Variants in LARGE1 observed in about 807,000 individuals in gnomAD.
LARGE1 encodes LARGE xylosyl- and glucuronyltransferase 1.
A neutral mutation model predicts 87.6 loss-of-function variants in LARGE1; 43 were observed. The ratio of observed to expected loss-of-function variants is 0.49; its 90% CI spans 0.38 to 0.63. LARGE1 has a LOEUF of 0.63. Ranked by LOEUF, LARGE1 falls within the 30% of genes least tolerant of loss-of-function variation. LARGE1 has a pLI of 0.00. For synonymous variants in LARGE1, 434 were observed against 394.6 expected (o/e 1.10, Z -1.18); for missense variants, 802 against 1,000.2 (o/e 0.80, Z 2.67).
chr22:33,870,664 G>T (rs534515669), intron 1 of LARGE1, among the ~76,000 whole-genome samples: 92 of 152,214 alleles, frequency 6.0e-4, no homozygotes, highest in African/African-American at 2.0e-3. Flanking sequence ...TGCCTCCCGG[G>T]TTCCAGCGAT....
the LARGE1 span, among the ~76,000 whole-genome samples, chr22:33,136,946 T>G: frequency 6.8e-6 from 1 of 146,766 alleles, no homozygotes; most frequent in African/African-American, 2.5e-5. Flanking sequence ...AAAAAAAAAA[T>G]AAACTGGAGA....
Position 33,501,863 on chromosome 22 carries a change from A to G in LARGE1, c.787+62985T>C, listed in dbSNP as rs1408834188. ...CAGTGTAAAATGACAACCATGTGCT[A>G]TGAAGGGGAAACACAGGTGCTTGTG... On this transcript the variant is annotated intron_variant, in intron 6 of 14. Coordinates refer to ENST00000397394, the MANE Select transcript of LARGE1 (RefSeq NM_133642.5). Among the ~76,000 whole-genome samples the G allele has an allele frequency of 2.0e-5, 3 of 152,186 alleles. No homozygotes were observed. In the East Asian group the frequency reaches 5.8e-4, roughly 29 times the overall value.
At chr22:33,694,110 A>T (rs1164347849) in intron 2 of LARGE1, among the ~76,000 whole-genome samples, 1 of 152,172 alleles carries the variant, frequency 6.6e-6, no homozygotes, top group Non-Finnish European at 1.5e-5. Context: ...TGACATTAGC[A>T]GCTTGTCAAA....
the LARGE1 span, among the ~76,000 whole-genome samples, chr22:33,104,953 C>CTTTCTT: frequency 1.2e-4 from 15 of 126,908 alleles, no homozygotes; most frequent in East Asian, 9.0e-4. Context: ...CTTTCTCTTT[C>CTTTCTT]TCTCTTTCTC....
intron 13 of LARGE1, among the ~76,000 whole-genome samples, chr22:33,282,257 A>T (rs1402047963): frequency 6.6e-6 from 1 of 152,240 alleles, no homozygotes; most frequent in African/African-American, 2.4e-5. Context: ...AGGCAGGAGA[A>T]TTGCTTGAAC....
intron 2 of LARGE1, among the ~76,000 whole-genome samples, chr22:33,689,633 G>A (rs185086712): frequency 3.4e-4 from 51 of 152,182 alleles, no homozygotes; most frequent in African/African-American, 1.2e-3. Flanking sequence ...AAAAGGTGAG[G>A]TGGGGGAGAA....
At chr22:33,210,365 C>T (rs1924897727) in intron 11 of LARGE1, among the ~76,000 whole-genome samples, 1 of 152,216 alleles carries the variant, frequency 6.6e-6, no homozygotes, top group Non-Finnish European at 1.5e-5. Flanking sequence ...TTAATGGTCC[C>T]ATTCTCTGAA....
intron 11 of LARGE1, among the ~76,000 whole-genome samples, chr22:33,260,689 T>C (rs1302730265): frequency 6.6e-6 from 1 of 152,174 alleles, no homozygotes; most frequent in African/African-American, 2.4e-5. Flanking sequence ...TGCCTGCCAG[T>C]TTTATTGTTC....
intron 6 of LARGE1, among the ~76,000 whole-genome samples, chr22:33,480,812 G>T (rs756276811): frequency 6.6e-6 from 1 of 152,060 alleles, no homozygotes; most frequent in Non-Finnish European, 1.5e-5. Context: ...ACAAAAACAG[G>T]ATAACGGTAG....
At chr22:33,353,284 T>C (rs553358282) in intron 9 of LARGE1, among the ~76,000 whole-genome samples, 1 of 152,334 alleles carries the variant, frequency 6.6e-6, no homozygotes, top group East Asian at 1.9e-4. Context: ...GTCTTAAGCT[T>C]GACAATGTTT....
chr22:33,089,371 C>CTTCTTCTTCTTCTTCTCCTTCTT, the LARGE1 span, among the ~76,000 whole-genome samples: 417 of 75,940 alleles, frequency 5.5e-3, 4 homozygotes, highest in East Asian at 0.05. Context: ...TTCTTCTTCT[C>CTTCTTCTTCTTCTTCTCCTTCTT]CTTCTTCTTC....
chr22:33,259,919 C>A (rs188458109), intron 11 of LARGE1, among the ~76,000 whole-genome samples: 1 of 152,292 alleles, frequency 6.6e-6, no homozygotes, highest in Admixed American at 6.5e-5. Flanking sequence ...GAGAGACTGG[C>A]CCTCCCAGGT....
chr22:33,870,522 C>G (rs913454480), intron 1 of LARGE1, among the ~76,000 whole-genome samples: 3 of 151,818 alleles, frequency 2.0e-5, no homozygotes, highest in African/African-American at 7.3e-5. Context: ...ATTCCCACAA[C>G]AACCCTAACC....
chr22:33,756,830 G>A (rs1227486185), intron 2 of LARGE1, among the ~76,000 whole-genome samples: 6 of 152,264 alleles, frequency 3.9e-5, no homozygotes, highest in African/African-American at 7.2e-5. Flanking sequence ...GAGCCAGGGC[G>A]ACAGCAGTGG....
chr22:33,503,577 G>A (rs1398750398), intron 6 of LARGE1, among the ~76,000 whole-genome samples: 1 of 152,026 alleles, frequency 6.6e-6, no homozygotes, highest in East Asian at 1.9e-4. Context: ...GAGGCGGGTG[G>A]ATCACGAGGT....
At chr22:33,397,725 C>T (rs1358558745) in intron 7 of LARGE1, among the ~76,000 whole-genome samples, 1 of 152,156 alleles carries the variant, frequency 6.6e-6, no homozygotes, top group Non-Finnish European at 1.5e-5. Flanking sequence ...ATTGAGTGTG[C>T]ATGTGCTCAG....
intron 12 of LARGE1, among the ~76,000 whole-genome samples, chr22:33,296,821 G>A (rs1336726527): frequency 1.3e-5 from 2 of 152,012 alleles, no homozygotes; most frequent in Non-Finnish European, 2.9e-5. Flanking sequence ...TGCCCACCTC[G>A]GCCTCCCAAA....
At chr22:33,905,747 C>T (rs1422533572) in intron 1 of LARGE1, among the ~76,000 whole-genome samples, 4 of 152,164 alleles carry the variant, frequency 2.6e-5, no homozygotes, top group Admixed American at 2.6e-4. Flanking sequence ...CAAATAGTCC[C>T]TTTGTTAGGT....
At chr22:33,193,723 C>CA (rs1450055236) in intron 11 of LARGE1, among the ~76,000 whole-genome samples, 2 of 151,922 alleles carry the variant, frequency 1.3e-5, no homozygotes, top group African/African-American at 4.8e-5. Context: ...GAGGCTGAAG[C>CA]ATGAGAATTG....
Sources: allele counts gnomAD v4.1 joint callset (sites outside exome capture counted in the v4.1 genomes callset), GRCh38; gene constraint gnomAD v4.1.1; transcripts MANE v1.5; gene names NCBI Gene and HGNC (gene_info 2026-07-23, HGNC 2026-07-21).